The following KIAA1755 variants were observed in gnomAD, a reference collection of about 807,000 sequenced individuals.
KIAA1755 encodes the protein KIAA1755, also known as uncharacterized protein KIAA1755.
Under a neutral mutation model 91.7 loss-of-function variants are expected in KIAA1755, and 68 were observed. The ratio of observed to expected loss-of-function variants is 0.74; its 90% CI spans 0.61 to 0.91. KIAA1755 has a LOEUF of 0.91. KIAA1755 is among the 40% of genes least tolerant of loss of function. KIAA1755 has a pLI of 0.00. For missense variants in KIAA1755, 1,535 were observed against 1,494.4 expected (o/e 1.03, Z -0.45); for synonymous variants, 610 against 604.6 (o/e 1.01, Z -0.13).
chr20:38,246,396 C>A (rs1426358137), intron 1 of KIAA1755, among the ~76,000 whole-genome samples: 1 of 151,898 alleles, frequency 6.6e-6, no homozygotes, highest in Non-Finnish European at 1.5e-5. Context: ...ATTCCCACAC[C>A]TCTTGCAGGT....
At chr20:38,237,690 A>C (rs2075982669) in intron 4 of KIAA1755, among the ~76,000 whole-genome samples, 1 of 152,012 alleles carries the variant, frequency 6.6e-6, no homozygotes, top group Non-Finnish European at 1.5e-5. Context: ...GGTTGAACCA[A>C]TAGGTTCAAG....
At position 38,238,506 on chromosome 20, in the gene KIAA1755, G is replaced by A. The variant is rs6123503; in HGVS notation, c.1747+1022C>T. Among the ~76,000 whole-genome samples, 799 of 152,216 alleles carry A rather than the reference G, an allele frequency of 5.2e-3. 12 individuals carry two copies. The East Asian group carries it at 0.061, about 12-fold the overall frequency. On this transcript the variant is annotated intron_variant, in intron 4 of 13. Coordinates refer to ENST00000279024, the MANE Select transcript of KIAA1755 (RefSeq NM_001029864.2). The stretch of plus-strand genomic sequence containing the variant: ...TGGATAATTCCTACTCATACCATAG[G>A]ACTGGGCTTTACGTTACTTCCTCCG...
At position 38,213,389 on chromosome 20, in the gene KIAA1755, A is replaced by C; in HGVS notation, c.3256T>G (p.Ser1086Ala). The C allele has an allele frequency of 1.2e-6, 2 of 1,602,312 alleles. No individual in the cohort carries two copies. The highest frequency in any genetic ancestry group is 1.7e-6 in the Non-Finnish European group (2 of 1,173,992). Residue 1086 changes from serine (S) to alanine (A), a missense_variant, in exon 14 of 14, where the codon TCC (serine) becomes GCC (alanine). Physicochemically the swap from Ser to Ala is moderately conservative, Grantham distance 99. Coordinates refer to ENST00000279024, the MANE Select transcript of KIAA1755 (RefSeq NM_001029864.2). ...KGQGVSVEVT[S>A]KGRWDQPPLD... is the part of the protein sequence containing the mutation. ...GGAGGCTGATCCCACCTCCCCTTGG[A>C]AGTGACCTCTACACTCACACCCTGG... is the stretch of plus-strand genomic sequence containing the variant.
intron 13 of KIAA1755, among the ~76,000 whole-genome samples, chr20:38,216,509 G>A (rs936498922): frequency 6.6e-6 from 1 of 152,230 alleles, no homozygotes; most frequent in Non-Finnish European, 1.5e-5. Flanking sequence ...GGCAGCCAAG[G>A]GCACTGGGTC....
chr20:38,256,239 C>T (rs1219148630), intron 1 of KIAA1755, among the ~76,000 whole-genome samples: 1 of 152,142 alleles, frequency 6.6e-6, no homozygotes, highest in Non-Finnish European at 1.5e-5. Flanking sequence ...AACTGTGACC[C>T]TCCACTGCTC....
chr20:38,249,886 C>A (rs1221874822), intron 1 of KIAA1755, among the ~76,000 whole-genome samples: 1 of 152,076 alleles, frequency 6.6e-6, no homozygotes, highest in Non-Finnish European at 1.5e-5. Flanking sequence ...CAGGTGCCCT[C>A]CCCACTCCCT....
chr20:38,225,877 T>A, intron 7 of KIAA1755, 96 bp from the exon 8 acceptor site: 1 of 654,968 alleles, frequency 1.5e-6, no homozygotes, highest in South Asian at 2.4e-5. Flanking sequence ...CCAGTTCATT[T>A]CCCACAAGTA....
intron 4 of KIAA1755, 95 bp downstream of exon 4, chr20:38,239,433 G>A: frequency 8.9e-7 from 1 of 1,119,880 alleles, no homozygotes; most frequent in South Asian, 1.3e-5. Flanking sequence ...AGGCCTCCAG[G>A]GCATTCCCTG....
At chr20:38,260,296 C>A (rs1389756267) in intron 1 of KIAA1755, 1 of 1,550,298 alleles carries the variant, frequency 6.5e-7, no homozygotes, top group East Asian at 2.4e-5. Context: ...ATGGAGAAGC[C>A]AGGAGAGGAC....
chr20:38,246,436 G>T (rs963331800), intron 1 of KIAA1755, among the ~76,000 whole-genome samples: 1 of 145,560 alleles, frequency 6.9e-6, no homozygotes, highest in South Asian at 2.4e-4. Context: ...GCTGATCCAC[G>T]GAGACGTGGA....
At chr20:38,228,077 C>T in intron 6 of KIAA1755, 70 bp downstream of exon 6, 1 of 1,192,704 alleles carries the variant, frequency 8.4e-7, no homozygotes, top group Non-Finnish European at 1.2e-6. Context: ...CCCCCGGACT[C>T]TATGAATGTC....
At chr20:38,214,969 G>A (rs141254319) in intron 13 of KIAA1755, among the ~76,000 whole-genome samples, 225 of 152,318 alleles carry the variant, frequency 1.5e-3, no homozygotes, top group African/African-American at 5.0e-3. Flanking sequence ...GCAAGCACAC[G>A]GAGCTCATGG....
chr20:38,225,776 C>T lies in KIAA1755; in HGVS notation c.2058G>A (p.Glu686=). Residue 686 remains glutamate, a synonymous_variant, in exon 8 of 14, where the codon GAG becomes GAA. Transcript: ENST00000279024. ...TGAGGGCCTTCAATGAGGTCAGCAC[C>T]TCCACCTGCAGACCAAAGAATCAGG... is the stretch of plus-strand genomic sequence containing the variant. ...QLQTLPDVQV[E]VLTSLKALSH... 3 of 1,545,632 alleles carry T rather than the reference C, an allele frequency of 1.9e-6. No homozygotes were observed. The highest frequency in any genetic ancestry group is 2.6e-6 in the Non-Finnish European group (3 of 1,148,946).
At position 38,240,717 on chromosome 20, in the gene KIAA1755, T is replaced by C. The variant is rs1485223918; in HGVS notation, c.1414A>G (p.Lys472Glu). The part of the protein sequence containing the change: ...SSPEPPTPGL[K>E]FSFLRGQRQP... ...CTCTGCCCTCTCAAGAATGAGAATT[T>C]GAGCCCAGGAGTGGGGGGCTCAGGG... The change falls in exon 3 of 14, where the codon AAA (lysine) becomes GAA (glutamate). Residue 472 changes from lysine to glutamate, a missense_variant. Transcript: ENST00000279024. The C allele has an allele frequency of 1.3e-6, 2 of 1,568,744 alleles. No individual in the cohort carries two copies. Among genetic ancestry groups the C allele is most frequent in the Admixed American group, 1.9e-5 (1 of 53,762 alleles).
At position 38,217,046 on chromosome 20, in the gene KIAA1755, G is replaced by A. The variant is rs1037856893; in HGVS notation, c.2901+207C>T. On this transcript the variant is annotated intron_variant, in intron 13 of 13. Transcript: ENST00000279024. ...ACGATGAGCCTCCGACTGTGTCTGG[G>A]TATCCCTGTCCCTGCTGTGCCCCCA... 4.6e-6 allele frequency: 3 copies of A among 648,516 alleles called. No individual in the cohort carries two copies. In the African/African-American group the frequency reaches 5.3e-5, roughly 12 times the overall value. The allele number at this position is 648,516 out of a possible 1,614,324, so 40.2% of individuals were successfully genotyped here. A position where few individuals can be genotyped will look rare whatever the true frequency, so the allele number is the denominator to read the frequency against.
chr20:38,218,181 GCCA>G, intron 12 of KIAA1755, 60 bp downstream of exon 12: 1 of 1,604,632 alleles, frequency 6.2e-7, no homozygotes, highest in Non-Finnish European at 8.5e-7. Context: ...CCCTGGCAGT[GCCA>G]CCCCCTCTAA....
At chr20:38,253,064 G>A (rs1415070270) in intron 1 of KIAA1755, among the ~76,000 whole-genome samples, 2 of 117,060 alleles carry the variant, frequency 1.7e-5, no homozygotes, top group African/African-American at 3.8e-5. Context: ...AACACAGCCC[G>A]CAGCCCGGCA....
intron 4 of KIAA1755, among the ~76,000 whole-genome samples, chr20:38,232,617 G>A (rs1459412550): frequency 1.4e-5 from 2 of 146,578 alleles, no homozygotes; most frequent in Non-Finnish European, 3.0e-5. Context: ...GACAGAGTGA[G>A]ACTCTGTCTC....
intron 3 of KIAA1755, among the ~76,000 whole-genome samples, 155 bp downstream of exon 3, chr20:38,240,427 G>C (rs2076034844): frequency 1.3e-5 from 2 of 152,198 alleles, no homozygotes; most frequent in Non-Finnish European, 2.9e-5. Flanking sequence ...CCAGACACAT[G>C]AGACTTCAAG....
Sources: gnomAD v4.1 joint callset for allele counts (sites outside exome capture counted in the v4.1 genomes callset) on GRCh38, gnomAD v4.1.1 for gene constraint, MANE v1.5 for transcripts, NCBI Gene and HGNC (gene_info 2026-07-23, HGNC 2026-07-21) for gene names.